Variants in H4C16 observed in about 807,000 individuals in gnomAD.
H4C16 encodes the protein H4 histone 16.
chr12:14,770,896 CAGG>C, the H4C16 span: 3 of 1,614,220 alleles, frequency 1.9e-6, no homozygotes, highest in South Asian at 3.3e-5. Flanking sequence ...TCACGTTCTC[CAGG>C]AAGACTTTGA....
At chr12:14,771,109 C>A in the H4C16 span, 1 of 1,563,216 alleles carries the variant, frequency 6.4e-7, no homozygotes, top group Non-Finnish European at 8.7e-7. Context: ...GCCTACTCAG[C>A]AGAAAATCGG....
chr12:14,770,789 T>C, the H4C16 span: 1 of 1,612,842 alleles, frequency 6.2e-7, no homozygotes, highest in Non-Finnish European at 8.5e-7. Flanking sequence ...GCCGAAACCA[T>C]AAAGGGTGCG....
the H4C16 span, chr12:14,771,081 A>G: frequency 1.9e-6 from 3 of 1,588,680 alleles, no homozygotes; most frequent in East Asian, 2.3e-5. Flanking sequence ...CCTCGCCCAG[A>G]CATTCTGAAA....
the H4C16 span, chr12:14,771,123 G>A: frequency 9.1e-6 from 14 of 1,545,352 alleles, no homozygotes; most frequent in African/African-American, 1.4e-5. Context: ...AAATCGGGCT[G>A]CCCACTGTGA....
chr12:14,770,837 G>GT, the H4C16 span: 9 of 1,614,194 alleles, frequency 5.6e-6, no homozygotes, highest in Admixed American at 1.5e-4. Context: ...ATCCATGGCC[G>GT]TGACGGTCTT....
chr12:14,770,865 T>C, the H4C16 span: 2 of 1,614,206 alleles, frequency 1.2e-6, no homozygotes, highest in Non-Finnish European at 1.7e-6. Flanking sequence ...GCGTGCTCCG[T>C]GTAAGTCACC....
At chr12:14,771,039 C>T in the H4C16 span, 11 of 1,612,728 alleles carry the variant, frequency 6.8e-6, no homozygotes, top group Non-Finnish European at 9.3e-6. Context: ...TGGCGCTTGG[C>T]GCCTCCCTTA....
At chr12:14,770,954 A>G in the H4C16 span, 1 of 1,614,158 alleles carries the variant, frequency 6.2e-7, no homozygotes, top group Non-Finnish European at 8.5e-7. Flanking sequence ...AATGCGCTTG[A>G]CGCCCCCACG....
the H4C16 span, chr12:14,771,067 T>C: frequency 1.2e-6 from 2 of 1,601,498 alleles, no homozygotes; most frequent in Non-Finnish European, 1.7e-6. Flanking sequence ...CCTTGCCACC[T>C]TTACCTCGCC....
chr12:14,770,890 G>C, the H4C16 span: 1 of 1,614,096 alleles, frequency 6.2e-7, no homozygotes. Context: ...CACGGATCAC[G>C]TTCTCCAGGA....
the H4C16 span, chr12:14,771,031 G>A: frequency 1.9e-6 from 3 of 1,613,320 alleles, no homozygotes; most frequent in African/African-American, 1.3e-5. Context: ...CCTTCCGGTG[G>A]CGCTTGGCGC....
At chr12:14,771,077 C>G in the H4C16 span, 4 of 1,590,590 alleles carry the variant, frequency 2.5e-6, no homozygotes, top group Non-Finnish European at 3.4e-6. Context: ...TTTACCTCGC[C>G]CAGACATTCT....
chr12:14,771,099 G>T, the H4C16 span: 1 of 1,570,518 alleles, frequency 6.4e-7, no homozygotes, highest in Non-Finnish European at 8.7e-7. Context: ...AAATCACAGC[G>T]CCTACTCAGC....
the H4C16 span, chr12:14,771,061 G>T: frequency 1.2e-6 from 2 of 1,606,244 alleles, no homozygotes; most frequent in East Asian, 4.5e-5. Flanking sequence ...CCAGCCCCTT[G>T]CCACCTTTAC....
the H4C16 span, chr12:14,770,860 C>T: frequency 6.8e-6 from 11 of 1,614,188 alleles, no homozygotes; most frequent in South Asian, 1.1e-5. Context: ...GCTTGGCGTG[C>T]TCCGTGTAAG....
chr12:14,770,899 G>T, the H4C16 span: 2 of 1,614,190 alleles, frequency 1.2e-6, no homozygotes, highest in Non-Finnish European at 8.5e-7. Context: ...CGTTCTCCAG[G>T]AAGACTTTGA....
chr12:14,771,127 A>C, the H4C16 span: 3 of 1,540,582 alleles, frequency 1.9e-6, no homozygotes, highest in African/African-American at 4.1e-5. Context: ...CGGGCTGCCC[A>C]CTGTGATTGC....
chr12:14,771,074 C>G, the H4C16 span: 34 of 1,591,840 alleles, frequency 2.1e-5, no homozygotes, highest in Middle Eastern at 1.7e-4. Context: ...ACCTTTACCT[C>G]GCCCAGACAT....
At chr12:14,771,064 A>G in the H4C16 span, 1 of 1,602,288 alleles carries the variant, frequency 6.2e-7, no homozygotes, top group South Asian at 1.1e-5. Context: ...GCCCCTTGCC[A>G]CCTTTACCTC....
Sources: gnomAD v4.1 joint callset for allele counts on GRCh38, gnomAD v4.1.1 for gene constraint, MANE v1.5 for transcripts, NCBI Gene and HGNC (gene_info 2026-07-23, HGNC 2026-07-21) for gene names.